The following RAD52 variants were observed in gnomAD, a reference collection of about 807,000 sequenced individuals.
RAD52 encodes the protein DNA repair protein RAD52 homolog.
Under a neutral mutation model 55.5 loss-of-function variants are expected in RAD52, and 47 were observed. The observed-to-expected ratio is 0.85, with a 90% CI of 0.67 to 1.08. RAD52 has a LOEUF of 1.08. Ranked by LOEUF, RAD52 falls within the 50% of genes least tolerant of loss-of-function variation. The pLI, the probability that RAD52 is intolerant of heterozygous loss-of-function variation, is 0.00. For missense variants in RAD52, 468 were observed against 522.8 expected (o/e 0.90, Z 1.02); for synonymous variants, 184 against 198.9 (o/e 0.92, Z 0.63).
chr12:947,282 C>T (rs912234017), intron 1 of RAD52, among the ~76,000 whole-genome samples: 6 of 151,842 alleles, frequency 4.0e-5, no homozygotes, highest in Non-Finnish European at 7.4e-5. Context: ...GTCAAGATCT[C>T]GCCACTGCAG....
chr12:925,677 A>G, intron 6 of RAD52, 152 bp from the exon 7 acceptor site: 1 of 652,350 alleles, frequency 1.5e-6, no homozygotes, highest in East Asian at 2.7e-5. Context: ...TCTGGTAAGC[A>G]TCTAGCATGT....
intron 1 of RAD52, among the ~76,000 whole-genome samples, chr12:988,991 G>A (rs1959129929): frequency 6.6e-6 from 1 of 151,846 alleles, no homozygotes; most frequent in South Asian, 2.1e-4. Flanking sequence ...TGGGTGGGTA[G>A]GAAACCAGCT....
rs1403439013 is a variant in RAD52, at chr12:956,420, T to C, written c.-18-23344A>G. On this transcript the variant is annotated intron_variant, in intron 1 of 11. Coordinates refer to the RAD52 transcript ENST00000430095. Reference sequence around the variant, plus strand: ...CATTGGGCCCCACAAATTGTATAGCTACTCCTGATAGGAACCACAGTGCAA... The same window carrying C: ...CATTGGGCCCCACAAATTGTATAGCCACTCCTGATAGGAACCACAGTGCAA... Among the ~76,000 whole-genome samples the C allele has an allele frequency of 2.0e-5, 3 of 152,240 alleles. No individual in the cohort carries two copies. The East Asian group carries it at 5.8e-4, about 29-fold the overall frequency.
In RAD52 at chr12:914,111, T is replaced by C. The variant is rs1956232620; in HGVS notation, c.978A>G (p.Glu326=). ...TCACAGCCCACTTTTCAGAGTTGTC[T>C]TCAAGAGTCTCTACAGAGGTCAAGG... ...GVTQELIKTL[E]DNSEKWAVTP... is the part of the protein sequence containing the mutation. Residue 326 remains glutamate (E), a synonymous_variant, in exon 11 of 12, where the codon GAA becomes GAG. Transcript: ENST00000358495. 6.2e-7 allele frequency: 1 copy of C among 1,613,942 alleles called. No homozygotes were observed. The highest frequency in any genetic ancestry group is 1.3e-5 in the African/African-American group (1 of 75,044).
chr12:978,791 G>A (rs1017272474), intron 1 of RAD52, among the ~76,000 whole-genome samples: 3 of 152,020 alleles, frequency 2.0e-5, no homozygotes, highest in African/African-American at 4.8e-5. Flanking sequence ...AGAATTGCTT[G>A]AACCCAGGAG....
chr12:972,434 GC>G (rs1442473301), intron 1 of RAD52, among the ~76,000 whole-genome samples: 1 of 152,152 alleles, frequency 6.6e-6, no homozygotes, highest in African/African-American at 2.4e-5. Context: ...AAGGAAGCAA[GC>G]CTTGAGGCAA....
At chr12:946,974 G>T (rs750437179) in intron 1 of RAD52, among the ~76,000 whole-genome samples, 14 of 152,148 alleles carry the variant, frequency 9.2e-5, no homozygotes, top group Non-Finnish European at 1.9e-4. Context: ...ACATTTCTCT[G>T]CTTGATACCA....
At chr12:973,779 CTTCTTT>C (rs1732296242) in intron 1 of RAD52, among the ~76,000 whole-genome samples, 1 of 136,848 alleles carries the variant, frequency 7.3e-6, no homozygotes, top group African/African-American at 3.0e-5. Flanking sequence ...ACGCCCAGTC[CTTCTTT>C]TTTTTTTTTT....
At position 913,304 on chromosome 12, in the gene RAD52, C is replaced by T; in HGVS notation, c.*87G>A. ...GATAAATCGCAATGACGTTCATTCT[C>T]CAGCAGCGATGAACAATTTCATGAC... On this transcript the variant is annotated 3_prime_UTR_variant, in exon 12 of 12. Transcript: ENST00000358495. 1.0e-6 allele frequency: 1 copy of T among 990,140 alleles called. No homozygotes were observed. The highest frequency in any genetic ancestry group is 1.6e-6 in the Non-Finnish European group (1 of 639,786). The allele number at this position is 990,140 out of a possible 1,614,324, so 61.3% of individuals were successfully genotyped here.
At position 912,739 on chromosome 12, in the gene RAD52, A is replaced by C. The variant is rs540780898; in HGVS notation, c.*652T>G. ...CCCCGTCTCAAAAAAAAAAAAAAAA[A>C]AAAAAACAAAAAACAGCCTTTTTTC... On this transcript the variant is annotated 3_prime_UTR_variant, in exon 12 of 12. Coordinates refer to ENST00000358495, the MANE Select transcript of RAD52 (RefSeq NM_134424.4). 0.016 allele frequency: 2,093 copies of C among 127,778 alleles called. 97 individuals carry two copies. Among genetic ancestry groups the C allele is most frequent in the African/African-American group, 0.049 (1,577 of 32,302 alleles). 7.9% of individuals were successfully genotyped at this position (127,778 alleles called of 1,614,324 possible).
intron 7 of RAD52, among the ~76,000 whole-genome samples, chr12:922,814 A>T (rs936513065): frequency 2.1e-4 from 32 of 151,972 alleles, no homozygotes; most frequent in African/African-American, 5.6e-4. Flanking sequence ...CACACAAAAA[A>T]GTATTTTATT....
intron 1 of RAD52, among the ~76,000 whole-genome samples, chr12:946,277 C>T (rs554715249): frequency 6.6e-6 from 1 of 152,224 alleles, no homozygotes; most frequent in South Asian, 2.1e-4. Context: ...CTAAAAGCTG[C>T]AGAGATGGAA....
rs745395225 is a variant in RAD52 at position 980,697 on chromosome 12, G to T, written c.-19+9112C>A. ...GCTCACTGCAACCGCCGCCTCCTGGGTTCAGGCCTCCTGCCTCAGCCTCTT... is the reference window on the plus strand; with the variant it reads ...GCTCACTGCAACCGCCGCCTCCTGGTTTCAGGCCTCCTGCCTCAGCCTCTT... On this transcript the variant is annotated intron_variant, in intron 1 of 11. Transcript: ENST00000430095. Among the ~76,000 whole-genome samples, 4 of 151,196 alleles carry T rather than the reference G, an allele frequency of 2.6e-5. No individual in the cohort carries two copies. The East Asian group carries it at 7.8e-4, about 29-fold the overall frequency.
intron 1 of RAD52, among the ~76,000 whole-genome samples, chr12:939,124 C>T (rs979813986): frequency 6.8e-6 from 1 of 147,674 alleles, no homozygotes; most frequent in Non-Finnish European, 1.5e-5. Flanking sequence ...AGCAAAAGTA[C>T]AAATTTATGA....
At chr12:935,274 T>C (rs1957552639) in intron 1 of RAD52, among the ~76,000 whole-genome samples, 1 of 151,150 alleles carries the variant, frequency 6.6e-6, no homozygotes, top group African/African-American at 2.4e-5. Flanking sequence ...GGAGACTTAA[T>C]AGAAATGAAA....
chr12:916,268 A>G lies in RAD52; in HGVS notation c.865+76T>C, dbSNP rs1326203843. 2.5e-6 allele frequency: 4 copies of G among 1,570,606 alleles called. No homozygotes were observed. In the South Asian group the frequency reaches 3.4e-5, roughly 14 times the overall value. ...TTTGGAGCCGGCCCAGGGTTACCGC[A>G]GAGAATCAGAAGACCCTGCGGCTAC... On this transcript the variant is annotated intron_variant, in intron 9 of 11. Transcript: ENST00000358495.
intron 1 of RAD52, among the ~76,000 whole-genome samples, chr12:947,802 C>T (rs570701930): frequency 1.3e-5 from 2 of 149,592 alleles, no homozygotes; most frequent in East Asian, 2.0e-4. Flanking sequence ...ATAGGAGAAG[C>T]GCTTGAACCC....
At position 920,053 on chromosome 12, in the gene RAD52, C is replaced by CA. The variant is rs746260206; in HGVS notation, c.544-3234dup. Reference sequence around the variant, plus strand: ...GGCAACAAGAGCAAAAACTCTGTCTCAAAAAAAAAAAAAATTAGCCGGGCA... The same window carrying CA: ...GGCAACAAGAGCAAAAACTCTGTCTCAAAAAAAAAAAAAAATTAGCCGGGCA... On this transcript the variant is annotated intron_variant, in intron 7 of 11. Coordinates refer to ENST00000358495, the MANE Select transcript of RAD52 (RefSeq NM_134424.4). Among the ~76,000 whole-genome samples the CA allele has an allele frequency of 3.3e-3, 300 of 89,618 alleles. 66 individuals carry two copies. The highest frequency in any genetic ancestry group is 9.7e-3 in the African/African-American group (207 of 21,370). The allele number at this position is 89,618 out of a possible 152,430, so 58.8% of individuals were successfully genotyped here. A position where few individuals can be genotyped will look rare whatever the true frequency, so the allele number is the denominator to read the frequency against.
intron 7 of RAD52, among the ~76,000 whole-genome samples, chr12:921,428 A>G (rs1956721147): frequency 6.6e-6 from 1 of 151,784 alleles, no homozygotes; most frequent in African/African-American, 2.4e-5. Flanking sequence ...GCAACACGGT[A>G]AAATTTTTTG....
Sources: allele counts gnomAD v4.1 joint callset (sites outside exome capture counted in the v4.1 genomes callset), GRCh38; gene constraint gnomAD v4.1.1; transcripts MANE v1.5; gene names NCBI Gene and HGNC (gene_info 2026-07-23, HGNC 2026-07-21).